Variants in ELP3 observed in about 807,000 individuals in gnomAD.
The protein encoded by ELP3 is elongator acetyltransferase complex subunit 3, also known as elongator complex protein 3.
Under a neutral mutation model 74.9 loss-of-function variants are expected in ELP3, and 56 were observed. The ratio of observed to expected loss-of-function variants is 0.75; its 90% CI spans 0.60 to 0.93. ELP3 has a LOEUF of 0.93. ELP3 is among the 40% of genes least tolerant of loss of function. The pLI, the probability that ELP3 is intolerant of heterozygous loss-of-function variation, is 0.00. For missense variants in ELP3, 573 were observed against 686.5 expected (o/e 0.83, Z 1.85); for synonymous variants, 222 against 239.8 (o/e 0.93, Z 0.68).
intron 3 of ELP3, 124 bp downstream of exon 3, chr8:28,100,090 A>G: frequency 9.7e-6 from 12 of 1,235,532 alleles, no homozygotes; most frequent in African/African-American, 1.5e-5. Flanking sequence ...AAGTCCCTGT[A>G]TTAGGATATG....
At chr8:28,181,253 A>G (rs926724058) in intron 14 of ELP3, among the ~76,000 whole-genome samples, 8 of 152,166 alleles carry the variant, frequency 5.3e-5, no homozygotes, top group African/African-American at 1.9e-4. Flanking sequence ...CTAAGCTTAA[A>G]TACTCACGAC....
chr8:28,097,633 T>A (rs1034943021), intron 2 of ELP3, among the ~76,000 whole-genome samples: 1 of 152,174 alleles, frequency 6.6e-6, no homozygotes, highest in African/African-American at 2.4e-5. Flanking sequence ...CCTGACCTCG[T>A]GATCTGCCCA....
intron 10 of ELP3, among the ~76,000 whole-genome samples, chr8:28,146,799 A>G (rs1400211668): frequency 6.6e-6 from 1 of 152,236 alleles, no homozygotes; most frequent in Admixed American, 6.5e-5. Flanking sequence ...TTAATGAGGA[A>G]AAACTTCCAT....
At chr8:28,177,141 A>G (rs910429300) in intron 14 of ELP3, among the ~76,000 whole-genome samples, 1 of 152,216 alleles carries the variant, frequency 6.6e-6, no homozygotes, top group African/African-American at 2.4e-5. Flanking sequence ...CTGTATTTCC[A>G]CAGTGATGGA....
At chr8:28,178,264 G>A (rs1490296498) in intron 14 of ELP3, among the ~76,000 whole-genome samples, 2 of 152,210 alleles carry the variant, frequency 1.3e-5, no homozygotes, top group East Asian at 3.9e-4. Context: ...TTCAACATAC[G>A]AATTTTGTGG....
At chr8:28,162,812 G>A (rs1037982514) in intron 14 of ELP3, among the ~76,000 whole-genome samples, 2 of 152,200 alleles carry the variant, frequency 1.3e-5, no homozygotes, top group African/African-American at 4.8e-5. Context: ...TGATAAACGG[G>A]AATGTTTAGC....
intron 7 of ELP3, among the ~76,000 whole-genome samples, chr8:28,124,811 G>C (rs1812509804): frequency 6.6e-6 from 1 of 152,160 alleles, no homozygotes; most frequent in Non-Finnish European, 1.5e-5. Flanking sequence ...GTAAGCTGCA[G>C]TGCCACCAGG....
intron 10 of ELP3, among the ~76,000 whole-genome samples, chr8:28,143,207 A>G (rs558220233): frequency 1.3e-5 from 2 of 152,270 alleles, no homozygotes; most frequent in South Asian, 2.1e-4. Context: ...GTTCTAGTCA[A>G]TGTATTACAT....
chr8:28,136,163 T>C lies in ELP3; in HGVS notation c.907-1535T>C, dbSNP rs192942668. ...TTTTAGTAGAGATGGGGTTTCACCA[T>C]GTTAGCCAGGCTGGTCTTGAACTCC... On this transcript the variant is annotated intron_variant, in intron 9 of 14. Coordinates refer to ENST00000256398, the MANE Select transcript of ELP3 (RefSeq NM_018091.6). 3.8e-3 allele frequency among the ~76,000 whole-genome samples: 578 copies of C among 152,268 alleles called. 2 individuals carry two copies. Among genetic ancestry groups the C allele is most frequent in the Non-Finnish European group, 6.4e-3 (438 of 68,012 alleles).
chr8:28,182,861 G>A (rs968833823), intron 14 of ELP3, among the ~76,000 whole-genome samples: 1 of 152,200 alleles, frequency 6.6e-6, no homozygotes, highest in Non-Finnish European at 1.5e-5. Context: ...GGGGCTTGAG[G>A]ACATTTGGTT....
chr8:28,101,585 ACTTT>A (rs1406943806), intron 3 of ELP3, among the ~76,000 whole-genome samples: 1 of 133,806 alleles, frequency 7.5e-6, no homozygotes, highest in East Asian at 2.5e-4. Flanking sequence ...ATAAGTCTTG[ACTTT>A]CTTTTTTTTT....
At position 28,189,672 on chromosome 8, in the gene ELP3, A is replaced by G. The variant is rs371091935; in HGVS notation, c.1591A>G (p.Arg531Gly). The stretch of plus-strand genomic sequence containing the variant: ...AGGGGTCGGCACCAGGAATTATTAT[A>G]GAAAGATCGGCTACAGATTACAAGG... Reference protein sequence around the residue: ...ISGVGTRNYYRKIGYRLQGPY... With the variant: ...ISGVGTRNYYGKIGYRLQGPY... Residue 531 changes from arginine to glycine, a missense_variant, in exon 15 of 15, where the codon AGA becomes GGA. Physicochemically the swap from Arg to Gly is moderately radical, Grantham distance 125 (BLOSUM62 -2). Transcript: ENST00000256398. 1 of 1,614,204 alleles carries G rather than the reference A, an allele frequency of 6.2e-7. No homozygotes were observed.
At chr8:28,105,460 A>G (rs557335823) in intron 3 of ELP3, among the ~76,000 whole-genome samples, 3 of 152,208 alleles carry the variant, frequency 2.0e-5, no homozygotes, top group Non-Finnish European at 4.4e-5. Flanking sequence ...GGAATCAGCC[A>G]TTTCCCCAAG....
intron 10 of ELP3, among the ~76,000 whole-genome samples, chr8:28,145,854 C>T (rs1488468516): frequency 1.3e-5 from 2 of 152,172 alleles, no homozygotes; most frequent in Non-Finnish European, 2.9e-5. Flanking sequence ...GAACTCCTGA[C>T]CTCAGGTGAT....
chr8:28,169,547 A>G (rs1814437998), intron 14 of ELP3, among the ~76,000 whole-genome samples: 1 of 152,202 alleles, frequency 6.6e-6, no homozygotes, highest in Non-Finnish European at 1.5e-5. Flanking sequence ...GCTTTTTAAT[A>G]GCACAATAGC....
At chr8:28,166,071 T>A (rs2130566500) in intron 14 of ELP3, among the ~76,000 whole-genome samples, 1 of 152,312 alleles carries the variant, frequency 6.6e-6, no homozygotes, top group South Asian at 2.1e-4. Context: ...AAAATTAAAC[T>A]AAAAATGAAA....
intron 10 of ELP3, among the ~76,000 whole-genome samples, chr8:28,146,846 T>A (rs1007649632): frequency 6.6e-6 from 1 of 152,214 alleles, no homozygotes; most frequent in South Asian, 2.1e-4. Flanking sequence ...CAAAGACCAT[T>A]GAATCCATGT....
chr8:28,146,373 T>A (rs1279249066), intron 10 of ELP3, among the ~76,000 whole-genome samples: 1 of 152,194 alleles, frequency 6.6e-6, no homozygotes, highest in Non-Finnish European at 1.5e-5. Context: ...GTTTCTGAAG[T>A]ATGAGCAACT....
At chr8:28,116,930 A>G (rs1441014422) in intron 7 of ELP3, among the ~76,000 whole-genome samples, 7 of 152,188 alleles carry the variant, frequency 4.6e-5, no homozygotes. Flanking sequence ...AAGCCAGGCG[A>G]CGGGGATGGC....
Sources: allele counts gnomAD v4.1 joint callset (sites outside exome capture counted in the v4.1 genomes callset), GRCh38; gene constraint gnomAD v4.1.1; transcripts MANE v1.5; gene names NCBI Gene and HGNC (gene_info 2026-07-23, HGNC 2026-07-21).